Variants in THRB observed in about 807,000 individuals in gnomAD.
THRB encodes thyroid hormone receptor beta, also known as nuclear receptor subfamily 1 group A member 2.
THRB carries 12 observed loss-of-function variants against 47.8 expected under a neutral mutation model. The ratio of observed to expected loss-of-function variants is 0.25; its 90% CI spans 0.16 to 0.41. The LOEUF is 0.41. Ranked by LOEUF, THRB falls within the 10% of genes least tolerant of loss-of-function variation. THRB has a pLI of 1.00. For missense variants in THRB, 348 were observed against 589.2 expected, an observed-to-expected ratio of 0.59 and a Z score of 4.24; for synonymous variants, 218 against 212.2, an observed-to-expected ratio of 1.03 and a Z score of -0.24.
At chr3:24,281,143 A>T (rs2054549435) in intron 3 of THRB, among the ~76,000 whole-genome samples, 2 of 152,178 alleles carry the variant, frequency 1.3e-5, no homozygotes, top group South Asian at 4.1e-4. Flanking sequence ...TGTCAGATTC[A>T]CCAAAGCTGA....
At chr3:24,280,641 G>A (rs2054470561) in intron 3 of THRB, among the ~76,000 whole-genome samples, 1 of 152,158 alleles carries the variant, frequency 6.6e-6, no homozygotes. Flanking sequence ...ATTACTCCAA[G>A]CTATGGGAGG....
At chr3:24,352,998 G>T (rs1046970046) in intron 1 of THRB, among the ~76,000 whole-genome samples, 5 of 151,910 alleles carry the variant, frequency 3.3e-5, no homozygotes, top group Non-Finnish European at 7.4e-5. Flanking sequence ...CAAATATCTG[G>T]ATAAAATTTT....
intron 1 of THRB, among the ~76,000 whole-genome samples, chr3:24,381,701 A>G (rs1403268559): frequency 6.6e-6 from 1 of 152,190 alleles, no homozygotes; most frequent in African/African-American, 2.4e-5. Context: ...AACAAAGAAT[A>G]GAACCCAAAT....
At chr3:24,390,940 A>G (rs1463742173) in intron 1 of THRB, among the ~76,000 whole-genome samples, 1 of 152,020 alleles carries the variant, frequency 6.6e-6, no homozygotes, top group African/African-American at 2.4e-5. Flanking sequence ...ATTTTGGCAG[A>G]TCTAAGGCAG....
chr3:24,341,207 G>A (rs1488628655), intron 1 of THRB, among the ~76,000 whole-genome samples: 4 of 45,850 alleles, frequency 8.7e-5, no homozygotes, highest in Admixed American at 8.6e-4. Flanking sequence ...CCTTTCTGTG[G>A]TAAAACAATT....
intron 2 of THRB, among the ~76,000 whole-genome samples, chr3:24,311,853 T>C (rs2149210117): frequency 6.6e-6 from 1 of 152,338 alleles, no homozygotes; most frequent in East Asian, 1.9e-4. Flanking sequence ...AACACGTATG[T>C]AATCTCACTG....
At chr3:24,492,921 T>C (rs773307961) in intron 1 of THRB, among the ~76,000 whole-genome samples, 3 of 152,252 alleles carry the variant, frequency 2.0e-5, no homozygotes, top group Non-Finnish European at 2.9e-5. Context: ...TCACTGGCTA[T>C]AAAATAAAGC....
At chr3:24,275,849 C>T (rs1189024684) in intron 3 of THRB, among the ~76,000 whole-genome samples, 1 of 152,132 alleles carries the variant, frequency 6.6e-6, no homozygotes, top group Non-Finnish European at 1.5e-5. Context: ...TCTGATTCTA[C>T]AGTTCAGTTT....
intron 1 of THRB, among the ~76,000 whole-genome samples, chr3:24,465,421 G>A (rs2074055262): frequency 6.6e-6 from 1 of 152,048 alleles, no homozygotes; most frequent in Non-Finnish European, 1.5e-5. Flanking sequence ...ATTATTTTTT[G>A]AGACTGAGTC....
chr3:24,301,488 CACCT>C (rs2056938802), intron 2 of THRB, among the ~76,000 whole-genome samples: 2 of 152,128 alleles, frequency 1.3e-5, no homozygotes, highest in Admixed American at 6.5e-5. Context: ...TGTTGTAAGA[CACCT>C]ATCTAGCCTG....
intron 4 of THRB, among the ~76,000 whole-genome samples, chr3:24,190,861 C>A (rs943985473): frequency 1.3e-5 from 2 of 148,502 alleles, no homozygotes; most frequent in African/African-American, 5.0e-5. Context: ...TTACCACCTT[C>A]TACCTCTGAT....
At chr3:24,229,547 A>C (rs992617998) in intron 3 of THRB, among the ~76,000 whole-genome samples, 13 of 152,194 alleles carry the variant, frequency 8.5e-5, no homozygotes, top group Admixed American at 3.3e-4. Context: ...GACTTGTCCT[A>C]GTCAGAGCTG....
intron 5 of THRB, among the ~76,000 whole-genome samples, chr3:24,157,554 G>A (rs1247289370): frequency 6.6e-6 from 1 of 151,940 alleles, no homozygotes; most frequent in East Asian, 1.9e-4. Context: ...TTTGAGACAG[G>A]GACTCACTTC....
Position 24,337,835 on chromosome 3 carries a change from G to A in THRB, c.-260-464C>T, listed in dbSNP as rs554975197. Among the ~76,000 whole-genome samples, 449 of 152,274 alleles carry A rather than the reference G, an allele frequency of 2.9e-3. 4 individuals carry two copies. Among genetic ancestry groups the A allele is most frequent in the African/African-American group, 0.011 (441 of 41,552 alleles). On this transcript the variant is annotated intron_variant, in intron 1 of 10. Transcript: ENST00000646209. ...GCTGTCGGGTGGGGCACTGCCATAT[G>A]AACCTGTGGGGAAGCGATGGGTTCC...
intron 5 of THRB, among the ~76,000 whole-genome samples, chr3:24,173,903 A>G (rs957759907): frequency 5.9e-5 from 9 of 152,192 alleles, no homozygotes; most frequent in African/African-American, 2.2e-4. Context: ...GTGGATGCCA[A>G]GGTACCTCAC....
At chr3:24,201,245 T>C (rs2044556828) in intron 4 of THRB, among the ~76,000 whole-genome samples, 2 of 152,040 alleles carry the variant, frequency 1.3e-5, no homozygotes, top group South Asian at 4.1e-4. Flanking sequence ...GTTGGCGAGG[T>C]TGGGGCTGGA....
chr3:24,293,717 C>T (rs997465414), intron 3 of THRB, among the ~76,000 whole-genome samples: 1 of 152,168 alleles, frequency 6.6e-6, no homozygotes, highest in Non-Finnish European at 1.5e-5. Context: ...TGATTACATT[C>T]CCAAAGGCCA....
intron 4 of THRB, among the ~76,000 whole-genome samples, chr3:24,227,243 G>T (rs368518033): frequency 1.4e-4 from 21 of 152,152 alleles, no homozygotes; most frequent in African/African-American, 5.1e-4. Flanking sequence ...ATTTTGCAGC[G>T]TGGCTACCTG....
chr3:24,422,341 G>A (rs2069344311), intron 1 of THRB, among the ~76,000 whole-genome samples: 2 of 151,884 alleles, frequency 1.3e-5, no homozygotes, highest in Admixed American at 1.3e-4. Flanking sequence ...CTTGGGACAT[G>A]TATTTCATTG....
Sources: gnomAD v4.1 joint callset for allele counts (sites outside exome capture counted in the v4.1 genomes callset) on GRCh38, gnomAD v4.1.1 for gene constraint, MANE v1.5 for transcripts, NCBI Gene and HGNC (gene_info 2026-07-23, HGNC 2026-07-21) for gene names.